The following PLCB1 variants were observed in gnomAD, a reference collection of about 807,000 sequenced individuals.
The protein encoded by PLCB1 is 1-phosphatidylinositol 4,5-bisphosphate phosphodiesterase beta-1.
In PLCB1, 46 loss-of-function variants were observed where a neutral mutation model predicts 161.8. That is an observed-to-expected ratio of 0.28 (90% confidence interval 0.22 to 0.36). PLCB1 has a LOEUF of 0.36. Among genes scored for constraint, PLCB1 ranks in the 10% least tolerant of loss-of-function variants. PLCB1 has a pLI of 1.00. For synonymous variants in PLCB1, 517 were observed against 503.7 expected (o/e 1.03, Z -0.35); for missense variants, 1,016 against 1,472.5 (o/e 0.69, Z 5.07).
intron 9 of PLCB1, among the ~76,000 whole-genome samples, chr20:8,658,974 T>C (rs1989547812): frequency 6.6e-6 from 1 of 152,202 alleles, no homozygotes; most frequent in Non-Finnish European, 1.5e-5. Flanking sequence ...ATTCACGCAG[T>C]GACTGAATGC....
chr20:8,857,758 A>G (rs940555820), intron 31 of PLCB1, among the ~76,000 whole-genome samples: 1 of 152,218 alleles, frequency 6.6e-6, no homozygotes, highest in African/African-American at 2.4e-5. Context: ...TCCTACTAAG[A>G]TGAGTATGAA....
rs745587375 is a variant in PLCB1, at chr20:8,132,602, C to G, written c.-50C>G. Reference sequence around the variant, plus strand: ...GCGCCCCGCGCCCCGCGCACGGTCCCCAGTCCCTGCCGCGCTCGCCCGGGC... The same window carrying G: ...GCGCCCCGCGCCCCGCGCACGGTCCGCAGTCCCTGCCGCGCTCGCCCGGGC... On this transcript the variant is annotated 5_prime_UTR_variant, in exon 1 of 32. Transcript: ENST00000338037. This position sits in a 1 kb window ranked among gnomAD's most constrained non-coding sequence, Gnocchi z 5.2. The G allele has an allele frequency of 3.7e-5, 50 of 1,349,892 alleles. No homozygotes were observed. Among genetic ancestry groups the G allele is most frequent in the Non-Finnish European group, 4.8e-5 (47 of 973,496 alleles). The allele number at this position is 1,349,892 out of a possible 1,614,324, so 83.6% of individuals were successfully genotyped here. A position where few individuals can be genotyped will look rare whatever the true frequency, so the allele number is the denominator to read the frequency against.
At chr20:8,730,021 C>G (rs1600281779) in intron 18 of PLCB1, 1 of 151,850 alleles carries the variant, frequency 6.6e-6, no homozygotes, top group East Asian at 1.9e-4. Flanking sequence ...AAATATGTTT[C>G]TTGGTTTTTG....
At position 8,509,745 on chromosome 20, in the gene PLCB1, GATA is replaced by G; in HGVS notation, c.247-118548_247-118546del. On this transcript the variant is annotated intron_variant, in intron 3 of 31. Coordinates refer to ENST00000338037, the MANE Select transcript of PLCB1 (RefSeq NM_015192.4). ...TAGGCAGATCATAGATAGATAGATA[GATA>G]GATAGATAGATAGATAGATAGATAG... is the stretch of plus-strand genomic sequence containing the variant. 1.4e-5 allele frequency among the ~76,000 whole-genome samples: 2 copies of G among 146,298 alleles called. 1 individual carries two copies. Among genetic ancestry groups the G allele is most frequent in the South Asian group, 4.3e-4 (2 of 4,618 alleles).
chr20:8,244,985 G>C (rs1980807447), intron 2 of PLCB1, among the ~76,000 whole-genome samples: 1 of 151,492 alleles, frequency 6.6e-6, no homozygotes, highest in East Asian at 2.0e-4. Flanking sequence ...TATTTTGGAG[G>C]GGGGGATGTA....
At chr20:8,491,184 G>C (rs1446882079) in intron 3 of PLCB1, among the ~76,000 whole-genome samples, 1 of 151,258 alleles carries the variant, frequency 6.6e-6, no homozygotes, top group African/African-American at 2.4e-5. Flanking sequence ...TTTAGTTTAG[G>C]TTTTATGCTT....
At chr20:8,194,396 G>T (rs889042202) in intron 2 of PLCB1, among the ~76,000 whole-genome samples, 12 of 151,834 alleles carry the variant, frequency 7.9e-5, no homozygotes, top group Non-Finnish European at 1.5e-4. Context: ...TCCCGTAAGT[G>T]CACCCTGTCA....
intron 19 of PLCB1, among the ~76,000 whole-genome samples, 195 bp downstream of exon 19, chr20:8,733,587 C>A (rs1980387830): frequency 6.6e-6 from 1 of 151,184 alleles, no homozygotes; most frequent in African/African-American, 2.4e-5. Context: ...TTGTTCAATT[C>A]CCATCTATGA....
intron 9 of PLCB1, among the ~76,000 whole-genome samples, chr20:8,669,667 T>A (rs1251561117): frequency 3.9e-5 from 6 of 152,038 alleles, no homozygotes; most frequent in Non-Finnish European, 8.8e-5. Context: ...GTCAGTACAG[T>A]GGGGAAGGAT....
chr20:8,872,234 T>C (rs886624096), intron 31 of PLCB1, among the ~76,000 whole-genome samples: 9 of 152,180 alleles, frequency 5.9e-5, no homozygotes, highest in African/African-American at 1.9e-4. Flanking sequence ...AATATAGGCA[T>C]GCATCAAACT....
In PLCB1 at chr20:8,705,657, C is replaced by T. The variant is rs568605904; in HGVS notation, c.1168-3013C>T. ...TTACTCCCAAATCAATGCAGTAAAT[C>T]ATGCTTTAATGTGAGTATTTTTGAC... On this transcript the variant is annotated intron_variant, in intron 11 of 31. Transcript: ENST00000338037. Among the ~76,000 whole-genome samples, 27 of 152,276 alleles carry T rather than the reference C, an allele frequency of 1.8e-4. No homozygotes were observed. In the South Asian group the frequency reaches 4.6e-3, roughly 26 times the overall value.
In PLCB1 at chr20:8,741,613, G is replaced by T. The variant is rs768982974; in HGVS notation, c.2523+40G>T. On this transcript the variant is annotated intron_variant, in intron 23 of 31. Transcript: ENST00000338037. ...TAATTTTACATATAGCATTAAGCAT[G>T]ATCACCACACCTACTTGTTGGCTTT... The T allele has an allele frequency of 6.9e-6, 9 of 1,296,330 alleles. No homozygotes were observed. The East Asian group carries it at 7.0e-5, about 10-fold the overall frequency. The allele number at this position is 1,296,330 out of a possible 1,614,324, so 80.3% of individuals were successfully genotyped here.
intron 2 of PLCB1, among the ~76,000 whole-genome samples, chr20:8,222,211 A>G (rs561530792): frequency 6.6e-6 from 1 of 152,150 alleles, no homozygotes; most frequent in Non-Finnish European, 1.5e-5. Context: ...CTTGTTATTA[A>G]TTTCTGAAGT....
chr20:8,693,541 T>A (rs1034593063), intron 10 of PLCB1, among the ~76,000 whole-genome samples: 2 of 152,176 alleles, frequency 1.3e-5, no homozygotes, highest in African/African-American at 4.8e-5. Context: ...AGCAAGGAAA[T>A]GTAGTCCTCA....
chr20:8,750,400 AT>A (rs1981394258), intron 23 of PLCB1, among the ~76,000 whole-genome samples: 1 of 152,202 alleles, frequency 6.6e-6, no homozygotes. Context: ...GTTTTGACAT[AT>A]TTCATTATGA....
intron 2 of PLCB1, among the ~76,000 whole-genome samples, chr20:8,214,269 G>T (rs1978996210): frequency 6.6e-6 from 1 of 152,136 alleles, no homozygotes. Flanking sequence ...GGGCCTGGTG[G>T]AAGGTGATGG....
chr20:8,180,989 G>A (rs1327856243), intron 2 of PLCB1, among the ~76,000 whole-genome samples: 1 of 151,872 alleles, frequency 6.6e-6, no homozygotes, highest in Non-Finnish European at 1.5e-5. Flanking sequence ...GTGCGTGTGT[G>A]TGTAAAGAAG....
At chr20:8,356,065 A>T (rs162222) in intron 2 of PLCB1, among the ~76,000 whole-genome samples, 132,025 of 152,148 alleles carry the variant, frequency 0.87, 57,699 homozygotes, top group African/African-American at 0.97. Context: ...TTTGTACTGA[A>T]ATTCTCTCTC....
intron 9 of PLCB1, among the ~76,000 whole-genome samples, chr20:8,679,862 C>A (rs557788875): frequency 1.3e-5 from 2 of 152,284 alleles, no homozygotes; most frequent in East Asian, 3.9e-4. Flanking sequence ...TTTCAGAAAA[C>A]AGTAGCATTG....
Sources: allele counts gnomAD v4.1 joint callset (sites outside exome capture counted in the v4.1 genomes callset), GRCh38; gene constraint gnomAD v4.1.1; non-coding constraint Gnocchi (gnomAD v3.1); transcripts MANE v1.5; gene names NCBI Gene and HGNC (gene_info 2026-07-23, HGNC 2026-07-21).